NAV3: variants seen among roughly 807,000 people sequenced by gnomAD.
The protein encoded by NAV3 is pore membrane and/or filament interacting like protein 1.
Under a neutral mutation model 244.7 loss-of-function variants are expected in NAV3, and 87 were observed. The ratio of observed to expected loss-of-function variants is 0.36; its 90% CI spans 0.30 to 0.42. The LOEUF (loss-of-function observed/expected upper bound fraction) is 0.42. NAV3 is among the 20% of genes least tolerant of loss of function. The pLI is 1.00. For synonymous variants in NAV3, 1,126 were observed against 1,042.2 expected (o/e 1.08, Z -1.55); for missense variants, 2,663 against 2,893.3 (o/e 0.92, Z 1.83).
chr12:78,033,776 C>T (rs1879387698), intron 9 of NAV3, among the ~76,000 whole-genome samples: 1 of 152,174 alleles, frequency 6.6e-6, no homozygotes, highest in African/African-American at 2.4e-5. Context: ...GTTCACCCCT[C>T]CAGAAGGATT....
chr12:77,998,278 C>G, intron 6 of NAV3, 59 bp from the exon 7 acceptor site: 1 of 1,316,170 alleles, frequency 7.6e-7, no homozygotes, highest in Middle Eastern at 2.0e-4. Flanking sequence ...TCAGCACCTC[C>G]TGCTTCTTAC....
intron 2 of NAV3, among the ~76,000 whole-genome samples, chr12:77,614,228 C>T (rs913858513): frequency 2.5e-4 from 38 of 151,912 alleles, no homozygotes; most frequent in African/African-American, 7.5e-4. Flanking sequence ...ACAACCCTCC[C>T]GGTAGTGACA....
At chr12:77,961,881 G>T (rs139769456) in intron 3 of NAV3, among the ~76,000 whole-genome samples, 407 of 151,516 alleles carry the variant, frequency 2.7e-3, no homozygotes, top group African/African-American at 9.5e-3. Context: ...GTTCATGTGT[G>T]TATAATGTTA....
Position 77,848,987 on chromosome 12 carries a change from T to C in NAV3, c.243+17283T>C, listed in dbSNP as rs185774391. Among the ~76,000 whole-genome samples the C allele has an allele frequency of 2.2e-4, 33 of 152,324 alleles. No homozygotes were observed. The South Asian group carries it at 4.1e-3, about 19-fold the overall frequency. Reference sequence around the variant, plus strand: ...TTATAGTTCATAGCTTTTGAGTCTTTTGGGAATTACTGCATAATAGTGATG... The same window carrying C: ...TTATAGTTCATAGCTTTTGAGTCTTCTGGGAATTACTGCATAATAGTGATG... On this transcript the variant is annotated intron_variant, in intron 1 of 39. Coordinates refer to ENST00000397909, the MANE Select transcript of NAV3 (RefSeq NM_001024383.2).
intron 2 of NAV3, among the ~76,000 whole-genome samples, chr12:77,605,550 C>T (rs1870633247): frequency 6.6e-6 from 1 of 152,068 alleles, no homozygotes; most frequent in Non-Finnish European, 1.5e-5. Flanking sequence ...TGTTATTTTG[C>T]TCTTTAAGAT....
chr12:77,717,312 T>C (rs1347693583), intron 2 of NAV3, among the ~76,000 whole-genome samples: 1 of 152,098 alleles, frequency 6.6e-6, no homozygotes, highest in Non-Finnish European at 1.5e-5. Context: ...ATCAGTATTC[T>C]ACTTTCTCCT....
intron 2 of NAV3, among the ~76,000 whole-genome samples, chr12:77,679,912 A>G (rs1017422942): frequency 1.3e-5 from 2 of 152,176 alleles, no homozygotes; most frequent in South Asian, 2.1e-4. Context: ...GTGGGTAGGA[A>G]GAAGGCCAGC....
At chr12:77,800,841 A>G (rs541895368) in intron 2 of NAV3, among the ~76,000 whole-genome samples, 1 of 152,228 alleles carries the variant, frequency 6.6e-6, no homozygotes, top group South Asian at 2.1e-4. Context: ...TTGAAAGATA[A>G]ATGCTAGCAA....
At chr12:78,024,805 C>G (rs935220318) in intron 9 of NAV3, among the ~76,000 whole-genome samples, 5 of 151,976 alleles carry the variant, frequency 3.3e-5, no homozygotes, top group Non-Finnish European at 7.4e-5. Context: ...GAGATGCCGT[C>G]TCTACTAAAA....
At chr12:77,632,875 C>T (rs1871976948) in intron 2 of NAV3, among the ~76,000 whole-genome samples, 1 of 152,008 alleles carries the variant, frequency 6.6e-6, no homozygotes, top group South Asian at 2.1e-4. Context: ...AGAGATATAT[C>T]ATAATTTAAA....
At chr12:78,184,776 G>C (rs1398865425) in intron 30 of NAV3, among the ~76,000 whole-genome samples, 1 of 151,584 alleles carries the variant, frequency 6.6e-6, no homozygotes, top group Non-Finnish European at 1.5e-5. Context: ...ATGTAATGGA[G>C]TTTCATTTAT....
rs374314266 is a variant in NAV3, at chr12:77,766,787, T to TCTG, written c.73-173531_73-173529dup. On this transcript the variant is annotated intron_variant, in intron 2 of 8. Coordinates refer to the NAV3 transcript ENST00000550042. ...TTTTTTTTTTGAGACGGAGTCTCGC[T>TCTG]CTGTCACCCAGGCTGGAGTATAGTG... Among the ~76,000 whole-genome samples the TCTG allele has an allele frequency of 6.8e-3, 841 of 124,004 alleles. 15 individuals carry two copies. The highest frequency in any genetic ancestry group is 0.023 in the African/African-American group (769 of 33,128). The allele number at this position is 124,004 out of a possible 152,430, so 81.4% of individuals were successfully genotyped here.
chr12:78,103,838 G>A (rs1457204564), intron 12 of NAV3, among the ~76,000 whole-genome samples: 1 of 152,156 alleles, frequency 6.6e-6, no homozygotes, highest in Non-Finnish European at 1.5e-5. Flanking sequence ...CCAACCAGGT[G>A]CCTCCCACAA....
intron 9 of NAV3, among the ~76,000 whole-genome samples, chr12:78,037,558 T>A (rs997014937): frequency 2.0e-5 from 3 of 152,206 alleles, no homozygotes; most frequent in Non-Finnish European, 2.9e-5. Context: ...TTTTAATTTT[T>A]TGGTAAAACT....
At chr12:77,647,022 TACACAC>T (rs961375754) in intron 2 of NAV3, among the ~76,000 whole-genome samples, 17 of 150,864 alleles carry the variant, frequency 1.1e-4, no homozygotes, top group African/African-American at 4.2e-4. Context: ...TACATGGACA[TACACAC>T]ACACATATAT....
intron 1 of NAV3, among the ~76,000 whole-genome samples, chr12:77,928,532 TC>T (rs1295211929): frequency 6.6e-6 from 1 of 152,128 alleles, no homozygotes; most frequent in African/African-American, 2.4e-5. Flanking sequence ...ATGTGCCTTA[TC>T]CTTGTTGGTA....
intron 2 of NAV3, among the ~76,000 whole-genome samples, chr12:77,582,123 T>C (rs696446): frequency 0.38 from 58,146 of 152,096 alleles, 11,252 homozygotes; most frequent in Middle Eastern, 0.53. Flanking sequence ...CTTTTTATTT[T>C]GCTTAGTGGT....
intron 2 of NAV3, among the ~76,000 whole-genome samples, chr12:77,715,965 G>A (rs781541576): frequency 1.3e-5 from 2 of 151,918 alleles, no homozygotes; most frequent in African/African-American, 2.4e-5. Context: ...ATATAGAGTT[G>A]GGACCATTAT....
At chr12:77,614,209 G>A (rs1234892594) in intron 2 of NAV3, among the ~76,000 whole-genome samples, 1 of 149,120 alleles carries the variant, frequency 6.7e-6, no homozygotes, top group East Asian at 2.0e-4. Flanking sequence ...CCCACCAGAT[G>A]TTAGTAGCAC....
Sources: gnomAD v4.1 joint callset for allele counts (sites outside exome capture counted in the v4.1 genomes callset) on GRCh38, gnomAD v4.1.1 for gene constraint, MANE v1.5 for transcripts, NCBI Gene and HGNC (gene_info 2026-07-23, HGNC 2026-07-21) for gene names.